SRRM1: variants seen among roughly 807,000 people sequenced by gnomAD.
SRRM1 encodes serine and arginine repetitive matrix 1, also known as serine/arginine repetitive matrix protein 1.
In SRRM1, 19 loss-of-function variants were observed where a neutral mutation model predicts 110.2. The observed-to-expected ratio is 0.17, with a 90% CI of 0.12 to 0.25. The LOEUF is 0.25. Among genes scored for constraint, SRRM1 ranks in the 10% least tolerant of loss-of-function variants. SRRM1 has a pLI of 1.00. For synonymous variants in SRRM1, 443 were observed against 414.9 expected (o/e 1.07, Z -0.82); for missense variants, 918 against 1,145.8 (o/e 0.80, Z 2.87).
chr1:24,667,775 T>TA (rs1030264413), intron 13 of SRRM1, among the ~76,000 whole-genome samples: 1 of 152,132 alleles, frequency 6.6e-6, no homozygotes, highest in African/African-American at 2.4e-5. Context: ...AATACTAAGT[T>TA]ATCACTGAGG....
At position 24,672,196 on chromosome 1, in the gene SRRM1, A is replaced by C. The variant is rs759079224; in HGVS notation, c.2625A>C (p.Glu875Asp). The C allele has an allele frequency of 8.7e-6, 14 of 1,610,214 alleles. 1 individual carries two copies. The South Asian group carries it at 1.4e-4, about 17-fold the overall frequency. ...GTTTTTTTTAGGAGACTGAAAGTGA[A>C]GCTGAAGATAACCTTGATGATTTAG... Reference protein sequence around the residue: ...APEPKKETESEAEDNLDDLEK... With the variant: ...APEPKKETESDAEDNLDDLEK... The change falls in exon 17 of 17, where the codon GAA becomes GAC. Residue 875 changes from glutamate to aspartate, a missense_variant. Physicochemically the swap from Glu to Asp is conservative, Grantham distance 45. This residue lies in a region of SRRM1 where 62 missense variants were observed against 127.6 expected (regional missense o/e 0.49). Transcript: ENST00000323848.
At chr1:24,661,791 T>A (rs1667348557) in intron 11 of SRRM1, among the ~76,000 whole-genome samples, 1 of 152,154 alleles carries the variant, frequency 6.6e-6, no homozygotes, top group African/African-American at 2.4e-5. Flanking sequence ...AGAACATCTT[T>A]CCCTATTAAA....
Position 24,672,116 on chromosome 1 carries a change from T to A in SRRM1, c.2611-66T>A, listed in dbSNP as rs1004931319. On this transcript the variant is annotated intron_variant, in intron 16 of 16. Coordinates refer to ENST00000323848, the MANE Select transcript of SRRM1 (RefSeq NM_005839.4). The stretch of plus-strand genomic sequence containing the variant: ...ATGTTCCCCTCCCACACTTTGATTC[T>A]GCTCTTTACTCGGCATTTCCCACCA... The A allele has an allele frequency of 3.2e-6, 4 of 1,252,836 alleles. No homozygotes were observed. The East Asian group carries it at 1.0e-4, about 32-fold the overall frequency. 77.6% of individuals were successfully genotyped at this position (1,252,836 alleles called of 1,614,324 possible). A position where few individuals can be genotyped will look rare whatever the true frequency, so the allele number is the denominator to read the frequency against.
chr1:24,652,913 A>G lies in SRRM1; in HGVS notation c.921A>G (p.Arg307=), dbSNP rs1278927044. 2.4e-5 allele frequency: 39 copies of G among 1,613,502 alleles called. No homozygotes were observed. The highest frequency in any genetic ancestry group is 3.2e-5 in the Non-Finnish European group (38 of 1,179,802). ...RPRRRHRSRS[R]SYSPRRRPSP... ...GACCTAATTCTCTTTGTTATGGCAG[A>G]TCGTATTCACCTAGAAGGCGGCCAA... The change falls in exon 8 of 17, where the codon AGA becomes AGG. Residue 307 remains arginine (R), a splice_region_variant and synonymous_variant. Coordinates refer to ENST00000323848, the MANE Select transcript of SRRM1 (RefSeq NM_005839.4).
intron 3 of SRRM1, chr1:24,647,784 A>G (rs1482931309): frequency 2.0e-5 from 3 of 152,548 alleles, no homozygotes; most frequent in Non-Finnish European, 4.4e-5. Flanking sequence ...TGCACTTTCT[A>G]TAAAGTATAT....
intron 2 of SRRM1, 141 bp downstream of exon 2, chr1:24,646,214 G>A (rs937236489): frequency 1.6e-5 from 10 of 638,656 alleles, no homozygotes; most frequent in African/African-American, 5.5e-5. Flanking sequence ...GCCACCACAC[G>A]TGGCACAGCC....
rs758523795 is a variant in SRRM1, at chr1:24,666,810, T to C, written c.1629-5T>C. ...AAAAATTAACTATAATTCTTCTTGG[T>C]TTAGTGGTAGACGGAGGAGAAGTCC... On this transcript the variant is annotated splice_polypyrimidine_tract_variant and splice_region_variant and intron_variant, in intron 12 of 16. Coordinates refer to ENST00000323848, the MANE Select transcript of SRRM1 (RefSeq NM_005839.4). 6 of 1,610,958 alleles carry C rather than the reference T, an allele frequency of 3.7e-6. No homozygotes were observed. Among genetic ancestry groups the C allele is most frequent in the Non-Finnish European group, 5.1e-6 (6 of 1,177,638 alleles).
At chr1:24,666,319 T>G (rs1669962006) in intron 12 of SRRM1, among the ~76,000 whole-genome samples, 1 of 152,224 alleles carries the variant, frequency 6.6e-6, no homozygotes, top group South Asian at 2.1e-4. Context: ...AGTTTTTTAA[T>G]GCTGCCACCC....
intron 16 of SRRM1, among the ~76,000 whole-genome samples, chr1:24,671,899 GTTTT>G (rs1026138077): frequency 2.8e-5 from 4 of 140,898 alleles, no homozygotes; most frequent in African/African-American, 7.8e-5. Flanking sequence ...TGTGAGGTTG[GTTTT>G]TTTTTTTGTT....
chr1:24,644,915 G>T (rs1013794015), intron 1 of SRRM1, among the ~76,000 whole-genome samples: 2 of 152,162 alleles, frequency 1.3e-5, no homozygotes, highest in African/African-American at 4.8e-5. Flanking sequence ...ATTGGTAAAG[G>T]TCTGGGAGAG....
intron 8 of SRRM1, 30 bp downstream of exon 8, chr1:24,653,062 GTGT>G: frequency 6.3e-7 from 1 of 1,599,228 alleles, no homozygotes; most frequent in Non-Finnish European, 8.5e-7. Context: ...GAAGTGTCAA[GTGT>G]TTGACACTTC....
At chr1:24,652,838 G>C in intron 7 of SRRM1, 75 bp from the exon 8 acceptor site, 9 of 1,501,280 alleles carry the variant, frequency 6.0e-6, no homozygotes, top group Non-Finnish European at 8.0e-6. Context: ...TTTTAGATGT[G>C]GCCATTGAGA....
chr1:24,670,644 G>A (rs557423427), intron 15 of SRRM1, among the ~76,000 whole-genome samples: 43 of 151,952 alleles, frequency 2.8e-4, no homozygotes, highest in East Asian at 6.0e-4. Context: ...GGCACATGCT[G>A]CTACACCTGG....
intron 12 of SRRM1, among the ~76,000 whole-genome samples, chr1:24,665,196 T>C (rs1446673016): frequency 6.8e-6 from 1 of 147,394 alleles, no homozygotes; most frequent in Non-Finnish European, 1.5e-5. Flanking sequence ...GGAGGCTGAG[T>C]TGGGTGGATC....
At chr1:24,652,038 A>G (rs1237693713) in intron 6 of SRRM1, among the ~76,000 whole-genome samples, 1 of 114,052 alleles carries the variant, frequency 8.8e-6, no homozygotes, top group Non-Finnish European at 1.7e-5. Flanking sequence ...AAATATATAT[A>G]TATATATATA....
At position 24,646,017 on chromosome 1, in the gene SRRM1, A is replaced by G; in HGVS notation, c.55A>G (p.Asn19Asp). 6.2e-7 allele frequency: 1 copy of G among 1,613,828 alleles called. No homozygotes were observed. Among genetic ancestry groups the G allele is most frequent in the Non-Finnish European group, 8.5e-7 (1 of 1,179,970 alleles). ...TGCAGAACAGGATAATCGGTTCAGC[A>G]ACAAACAGAAGAAACTACTGAAGCA... ...TSAEQDNRFS[N>D]KQKKLLKQLK... is the part of the protein sequence containing the mutation. The change falls in exon 2 of 17, where the codon AAC becomes GAC. Residue 19 changes from asparagine to aspartate, a missense_variant. By Grantham distance (23) the Asn-to-Asp change is conservative. Coordinates refer to ENST00000323848, the MANE Select transcript of SRRM1 (RefSeq NM_005839.4).
chr1:24,661,271 TAACTA>T, intron 10 of SRRM1, 34 bp from the exon 11 acceptor site: 1 of 1,528,238 alleles, frequency 6.5e-7, no homozygotes, highest in South Asian at 1.1e-5. Context: ...TCTATATGCT[TAACTA>T]AAGAAACACT....
In SRRM1 at chr1:24,669,353, C is replaced by T. The variant is rs1370463701; in HGVS notation, c.1970C>T (p.Ser657Leu). The T allele has an allele frequency of 6.2e-7, 1 of 1,614,098 alleles. No homozygotes were observed. Among genetic ancestry groups the T allele is most frequent in the African/African-American group, 1.3e-5 (1 of 74,934 alleles). The change falls in exon 14 of 17, where the codon TCA becomes TTA. Residue 657 changes from serine (S) to leucine (L), a missense_variant. By Grantham distance (145) the Ser-to-Leu change is moderately radical. Around this residue, in one of 5 missense-constraint regions of SRRM1, gnomAD observed 357 missense variants for 402.9 expected, o/e 0.89. Coordinates refer to ENST00000323848, the MANE Select transcript of SRRM1 (RefSeq NM_005839.4). ...PVTKRRSPSL[S>L]SKHRKGSSPS... ...ACCAAGAGACGTTCACCTTCATTATCATCCAAGCATAGGAAAGGGTCTTCC... is the reference window on the plus strand; with the variant it reads ...ACCAAGAGACGTTCACCTTCATTATTATCCAAGCATAGGAAAGGGTCTTCC...
intron 4 of SRRM1, 89 bp from the exon 5 acceptor site, chr1:24,649,882 A>T: frequency 8.7e-7 from 1 of 1,147,426 alleles, no homozygotes. Context: ...AAATGATAAT[A>T]GCATTGGTGT....
Sources: gnomAD v4.1 joint callset for allele counts (sites outside exome capture counted in the v4.1 genomes callset) on GRCh38, gnomAD v4.1.1 for gene constraint, gnomAD v4.1.1 regional missense constraint, MANE v1.5 for transcripts, NCBI Gene and HGNC (gene_info 2026-07-23, HGNC 2026-07-21) for gene names.